Variants in SNRPN observed in about 807,000 individuals in gnomAD.
The protein encoded by SNRPN is small nuclear ribonucleoprotein polypeptide N.
SNRPN carries 7 observed loss-of-function variants against 25.2 expected under a neutral mutation model. The observed-to-expected ratio is 0.28, with a 90% confidence interval of 0.16 to 0.52. The LOEUF is 0.52. SNRPN is among the 20% of genes least tolerant of loss of function. The pLI, the probability that SNRPN is intolerant of heterozygous loss-of-function variation, is 0.96. For missense variants in SNRPN, 196 were observed against 322.5 expected (o/e 0.61, Z 3.00); for synonymous variants, 124 against 110.6 (o/e 1.12, Z -0.76).
intron 1 of SNRPN, among the ~76,000 whole-genome samples, chr15:24,959,828 T>C (rs1370559304): frequency 6.6e-6 from 1 of 152,234 alleles, no homozygotes; most frequent in Admixed American, 6.5e-5. Flanking sequence ...ATAATGCTAC[T>C]AGGAACACGT....
At chr15:24,874,738 T>C (rs1595609393) in intron 1 of SNRPN, among the ~76,000 whole-genome samples, 1 of 146,830 alleles carries the variant, frequency 6.8e-6, no homozygotes, top group Admixed American at 6.9e-5. Flanking sequence ...AATAATCTCA[T>C]AAATAGGAGA....
chr15:24,854,637 C>T (rs1447484253), upstream of SNRPN, among the ~76,000 whole-genome samples: 2 of 152,220 alleles, frequency 1.3e-5, no homozygotes, highest in African/African-American at 4.8e-5. Context: ...ATATACATCA[C>T]CTCTCCACAT....
chr15:24,898,998 A>AT (rs1264685014), intron 2 of SNRPN, among the ~76,000 whole-genome samples: 8 of 152,316 alleles, frequency 5.3e-5, no homozygotes, highest in Non-Finnish European at 8.8e-5. Flanking sequence ...ATGGTTTAGC[A>AT]TTTTCTTTGA....
intron 1 of SNRPN, among the ~76,000 whole-genome samples, chr15:24,861,125 A>T (rs1369985757): frequency 2.0e-5 from 3 of 152,198 alleles, no homozygotes; most frequent in East Asian, 1.9e-4. Context: ...ATAAATAAAT[A>T]AAAGGATAAT....
intron 2 of SNRPN, among the ~76,000 whole-genome samples, chr15:24,911,677 C>A (rs2059226132): frequency 6.6e-6 from 1 of 152,216 alleles, no homozygotes; most frequent in South Asian, 2.1e-4. Flanking sequence ...TGGCTTTCTC[C>A]ACCTAATTTC....
At chr15:24,842,337 T>C (rs1339664299) in intron 2 of SNRPN, among the ~76,000 whole-genome samples, 1 of 152,160 alleles carries the variant, frequency 6.6e-6, no homozygotes. Context: ...TACAACTGCC[T>C]GAGAGCAGTG....
In SNRPN at chr15:24,955,070, G is replaced by A. The variant is rs1417582005; in HGVS notation, c.-391+8G>A. On this transcript the variant is annotated splice_region_variant and intron_variant, in intron 1 of 9. Transcript: ENST00000390687. ...CGCGATGGAGCGGGCAAGGTCAGCT[G>A]TGCCGGTGGCTTCTCTCAAGAGACA... The A allele has an allele frequency of 1.9e-6, 3 of 1,613,542 alleles. No homozygotes were observed. The highest frequency in any genetic ancestry group is 2.5e-6 in the Non-Finnish European group (3 of 1,180,016).
intron 1 of SNRPN, among the ~76,000 whole-genome samples, chr15:24,876,616 CAAAA>C (rs397943017): frequency 3.4e-5 from 3 of 88,994 alleles, no homozygotes; most frequent in Non-Finnish European, 2.3e-5. Context: ...GACTCCATCT[CAAAA>C]AAAAAAAAAA....
In SNRPN at chr15:24,869,528, A is replaced by G. The variant is rs140120218; in HGVS notation, c.-579+12812A>G. Reference sequence around the variant, plus strand: ...TTCCTTCTGCCTGTGACAGTTTCTCAGACTTTCCTTGTTATTGATGACATT... The same window carrying G: ...TTCCTTCTGCCTGTGACAGTTTCTCGGACTTTCCTTGTTATTGATGACATT... On this transcript the variant is annotated intron_variant, in intron 1 of 11. Coordinates refer to the SNRPN transcript ENST00000400097. 9.2e-5 allele frequency among the ~76,000 whole-genome samples: 14 copies of G among 152,266 alleles called. No homozygotes were observed. In the East Asian group the frequency reaches 2.5e-3, roughly 27 times the overall value.
chr15:24,961,123 T>A (rs546319815), intron 1 of SNRPN, among the ~76,000 whole-genome samples: 139 of 152,340 alleles, frequency 9.1e-4, no homozygotes, highest in African/African-American at 3.1e-3. Flanking sequence ...GTAATTCAGG[T>A]GTTATATTTA....
chr15:24,978,254 T>A lies in SNRPN; in HGVS notation c.621T>A (p.Pro207=). The change falls in exon 9 of 10, where the codon CCT becomes CCA. Residue 207 remains proline (P), a synonymous_variant. Coordinates refer to ENST00000390687, the MANE Select transcript of SNRPN (RefSeq NM_003097.6). The stretch of plus-strand genomic sequence containing the variant: ...TGGGCCCACCAATTGGGCTTCCCCC[T>A]GCTCGAGGGACGCCAATAGGCATGC... ...PPMGPPIGLP[P]ARGTPIGMPP... 1 of 1,613,954 alleles carries A rather than the reference T, an allele frequency of 6.2e-7. No homozygotes were observed. Among genetic ancestry groups the A allele is most frequent in the Non-Finnish European group, 8.5e-7 (1 of 1,179,820 alleles).
chr15:24,885,995 C>T (rs75607465), intron 1 of SNRPN, among the ~76,000 whole-genome samples: 1 of 152,062 alleles, frequency 6.6e-6, no homozygotes, highest in African/African-American at 2.4e-5. Context: ...CAGTACATAG[C>T]CTCACTTCTC....
intron 2 of SNRPN, among the ~76,000 whole-genome samples, chr15:24,897,753 C>T (rs1460321434): frequency 6.6e-6 from 1 of 152,070 alleles, no homozygotes; most frequent in Non-Finnish European, 1.5e-5. Context: ...TGGGAGTTCC[C>T]CTGCACAAGC....
intron 2 of SNRPN, among the ~76,000 whole-genome samples, chr15:24,905,044 C>G (rs1349038389): frequency 6.9e-6 from 1 of 145,588 alleles, no homozygotes; most frequent in Non-Finnish European, 1.5e-5. Context: ...ACCCAGAATT[C>G]AGAGGTTGCA....
At chr15:24,964,554 T>C (rs368805262) in intron 2 of SNRPN, among the ~76,000 whole-genome samples, 30 of 152,246 alleles carry the variant, frequency 2.0e-4, no homozygotes, top group African/African-American at 7.0e-4. Context: ...TTGGTTTCTT[T>C]CCCAAAGTGC....
intron 2 of SNRPN, among the ~76,000 whole-genome samples, chr15:24,832,051 G>GTT (rs890124152): frequency 4.2e-5 from 6 of 141,686 alleles, no homozygotes; most frequent in Middle Eastern, 3.6e-3. Context: ...TAATTCTATT[G>GTT]TTTTTTTTTT....
At chr15:24,845,686 A>G (rs1035415149) in intron 2 of SNRPN, among the ~76,000 whole-genome samples, 2 of 152,166 alleles carry the variant, frequency 1.3e-5, no homozygotes, top group Admixed American at 6.5e-5. Flanking sequence ...TGGCTATACT[A>G]ATTATTTAGT....
intron 3 of SNRPN, among the ~76,000 whole-genome samples, chr15:24,920,801 G>T (rs2059983575): frequency 6.6e-6 from 1 of 152,184 alleles, no homozygotes; most frequent in South Asian, 2.1e-4. Context: ...GTTTATTATA[G>T]TTTGAGAATG....
chr15:24,861,138 C>T (rs761425541), intron 1 of SNRPN, among the ~76,000 whole-genome samples: 11 of 152,172 alleles, frequency 7.2e-5, no homozygotes, highest in Non-Finnish European at 1.3e-4. Context: ...AGGATAATAT[C>T]TCTGTCAAAG....
Sources: gnomAD v4.1 joint callset for allele counts (sites outside exome capture counted in the v4.1 genomes callset) on GRCh38, gnomAD v4.1.1 for gene constraint, MANE v1.5 for transcripts, NCBI Gene and HGNC (gene_info 2026-07-23, HGNC 2026-07-21) for gene names.